Variants in WDR72 observed in about 807,000 individuals in gnomAD.
The protein encoded by WDR72 is WD repeat domain 72.
A neutral mutation model predicts 124.2 loss-of-function variants in WDR72; 120 were observed. The observed-to-expected ratio is 0.97, with a 90% CI of 0.83 to 1.12. WDR72 has a LOEUF of 1.12. WDR72 is among the 50% of genes most tolerant of loss of function. The pLI is 0.00. For synonymous variants in WDR72, 452 were observed against 441.7 expected (o/e 1.02, Z -0.29); for missense variants, 1,387 against 1,278.8 (o/e 1.08, Z -1.29).
At chr15:53,652,562 C>T (rs1011097421) in intron 14 of WDR72, among the ~76,000 whole-genome samples, 1 of 152,058 alleles carries the variant, frequency 6.6e-6, no homozygotes, top group African/African-American at 2.4e-5. Context: ...TTATTACAAA[C>T]CTGTTGATTA....
At chr15:53,706,344 GTGTGTGTATATATATATATATATATA>G (rs1464777377) in intron 9 of WDR72, among the ~76,000 whole-genome samples, 32 of 46,070 alleles carry the variant, frequency 6.9e-4, no homozygotes, top group Non-Finnish European at 9.6e-4. Flanking sequence ...GTGTGTGTGT[GTGTGTGTATATATATATATATATATA>G]TATATATATA....
intron 17 of WDR72, among the ~76,000 whole-genome samples, chr15:53,598,914 T>C (rs1272530500): frequency 1.3e-5 from 2 of 152,092 alleles, no homozygotes; most frequent in Non-Finnish European, 2.9e-5. Flanking sequence ...TATTAATATC[T>C]ACCATATGAG....
intron 17 of WDR72, among the ~76,000 whole-genome samples, chr15:53,603,830 A>T (rs2013152062): frequency 6.6e-6 from 1 of 152,174 alleles, no homozygotes; most frequent in Non-Finnish European, 1.5e-5. Flanking sequence ...AATAAATCAG[A>T]GATGACATAA....
intron 1 of WDR72, among the ~76,000 whole-genome samples, chr15:53,741,721 T>C (rs2018514078): frequency 6.7e-6 from 1 of 148,816 alleles, no homozygotes; most frequent in African/African-American, 2.4e-5. Context: ...TGATGAGAAA[T>C]GTGATCCAGA....
intron 14 of WDR72, among the ~76,000 whole-genome samples, chr15:53,632,222 C>T (rs2014456343): frequency 6.6e-6 from 1 of 152,030 alleles, no homozygotes; most frequent in Non-Finnish European, 1.5e-5. Context: ...TCCTTGCATC[C>T]CTGCTACTCC....
At chr15:53,648,576 A>AT (rs543756659) in intron 14 of WDR72, among the ~76,000 whole-genome samples, 20 of 152,074 alleles carry the variant, frequency 1.3e-4, no homozygotes, top group South Asian at 6.2e-4. Context: ...CAAAGGACAA[A>AT]TTTTTTTTAA....
Position 53,597,251 on chromosome 15 carries a change from A to G in WDR72, c.2976T>C (p.Val992=). 2 of 1,613,788 alleles carry G rather than the reference A, an allele frequency of 1.2e-6. No individual in the cohort carries two copies. Among genetic ancestry groups the G allele is most frequent in the Non-Finnish European group, 1.7e-6 (2 of 1,179,816 alleles). Residue 992 remains valine (V), a synonymous_variant, in exon 18 of 20, where the codon GTT becomes GTC. Coordinates refer to ENST00000360509, the MANE Select transcript of WDR72 (RefSeq NM_182758.4). The part of the protein sequence containing the change: ...SVQVTEAIQA[V]LLAEVQQHMK... ...TGTGTTGTTGAACTTCCGCCAAGAGAACAGCTTGTATTGCTTCAGTTACCT... is the reference window on the plus strand; with the variant it reads ...TGTGTTGTTGAACTTCCGCCAAGAGGACAGCTTGTATTGCTTCAGTTACCT...
intron 14 of WDR72, among the ~76,000 whole-genome samples, chr15:53,632,961 G>A (rs2014489007): frequency 6.6e-6 from 1 of 152,182 alleles, no homozygotes. Flanking sequence ...CTCAGATGAG[G>A]CTTTGGCCTT....
chr15:53,621,865 A>G (rs1004995226), intron 14 of WDR72, among the ~76,000 whole-genome samples: 4 of 152,106 alleles, frequency 2.6e-5, no homozygotes, highest in Non-Finnish European at 5.9e-5. Flanking sequence ...AGTTTTTGCA[A>G]TCTATGCATC....
intron 13 of WDR72, among the ~76,000 whole-genome samples, chr15:53,682,748 C>A (rs1163890749): frequency 2.0e-5 from 3 of 152,166 alleles, no homozygotes; most frequent in African/African-American, 7.2e-5. Context: ...CTGTCTTCTT[C>A]TGAGCCCTGT....
Position 53,672,382 on chromosome 15 carries a change from T to C in WDR72, c.1766-6614A>G, listed in dbSNP as rs532030015. Among the ~76,000 whole-genome samples the C allele has an allele frequency of 4.0e-5, 6 of 151,450 alleles. No individual in the cohort carries two copies. In the South Asian group the frequency reaches 1.0e-3, roughly 26 times the overall value. ...TTCAGGAGACGAGCATAAACCCCTG[T>C]TAGCAGTTTCTGCACAAGAAAGAAG... On this transcript the variant is annotated intron_variant, in intron 13 of 19. Transcript: ENST00000360509.
chr15:53,551,218 G>A (rs920642167), intron 18 of WDR72, among the ~76,000 whole-genome samples: 3 of 152,110 alleles, frequency 2.0e-5, no homozygotes, highest in African/African-American at 7.2e-5. Context: ...GTCAGAATAC[G>A]GGGAGGTGAC....
intron 18 of WDR72, among the ~76,000 whole-genome samples, chr15:53,546,640 C>T (rs1311563584): frequency 3.3e-5 from 5 of 152,012 alleles, no homozygotes; most frequent in South Asian, 4.2e-4. Flanking sequence ...AATGTGCACA[C>T]ATACCCTAAA....
At chr15:53,696,787 T>A (rs888285879) in intron 13 of WDR72, among the ~76,000 whole-genome samples, 17 of 152,194 alleles carry the variant, frequency 1.1e-4, no homozygotes, top group African/African-American at 3.6e-4. Context: ...TTGCACAGAT[T>A]AAAGGCAAAA....
intron 13 of WDR72, among the ~76,000 whole-genome samples, chr15:53,676,399 G>C (rs529011): frequency 6.6e-6 from 1 of 152,152 alleles, no homozygotes; most frequent in African/African-American, 2.4e-5. Context: ...CTAATTTGAT[G>C]AGCGCTTTGA....
At chr15:53,713,145 T>A (rs2017594769) in intron 6 of WDR72, among the ~76,000 whole-genome samples, 1 of 146,504 alleles carries the variant, frequency 6.8e-6, no homozygotes, top group Non-Finnish European at 1.5e-5. Context: ...TATGTACTCC[T>A]GAAAGTTTAA....
rs191732174 is a variant in WDR72, at chr15:53,708,110, T to C, written c.955-2036A>G. ...CCTCCTCCTCCCAAACAGTTCCCTC[T>C]AGTTCTGCTATTCACCTGAAAACTT... On this transcript the variant is annotated intron_variant, in intron 9 of 19. Coordinates refer to ENST00000360509, the MANE Select transcript of WDR72 (RefSeq NM_182758.4). 1.4e-4 allele frequency among the ~76,000 whole-genome samples: 22 copies of C among 152,290 alleles called. No individual in the cohort carries two copies. The East Asian group carries it at 4.3e-3, about 29-fold the overall frequency.
Position 53,690,286 on chromosome 15 carries a change from G to A in WDR72, c.1765+9464C>T, listed in dbSNP as rs1226063611. ...GTATGTTGTTTTTATTTAAATTGAT[G>A]TAACATTGACATAATATACATTAAC... is the stretch of plus-strand genomic sequence containing the variant. On this transcript the variant is annotated intron_variant, in intron 13 of 19. Transcript: ENST00000360509. 2.6e-5 allele frequency among the ~76,000 whole-genome samples: 4 copies of A among 152,072 alleles called. No homozygotes were observed. In the East Asian group the frequency reaches 5.8e-4, roughly 22 times the overall value.
rs190488140 is a variant in WDR72, at chr15:53,698,708, T to C, written c.1765+1042A>G. On this transcript the variant is annotated intron_variant, in intron 13 of 19. Coordinates refer to ENST00000360509, the MANE Select transcript of WDR72 (RefSeq NM_182758.4). ...AACTCCCCTAATTTTGTGTATATTGTGCAAAGAACAAGCAAGACCCTCAAA... is the reference window on the plus strand; with the variant it reads ...AACTCCCCTAATTTTGTGTATATTGCGCAAAGAACAAGCAAGACCCTCAAA... 1.4e-4 allele frequency among the ~76,000 whole-genome samples: 22 copies of C among 152,306 alleles called. No homozygotes were observed. In the East Asian group the frequency reaches 4.3e-3, roughly 29 times the overall value.
Sources: gnomAD v4.1 joint callset for allele counts (sites outside exome capture counted in the v4.1 genomes callset) on GRCh38, gnomAD v4.1.1 for gene constraint, MANE v1.5 for transcripts, NCBI Gene and HGNC (gene_info 2026-07-23, HGNC 2026-07-21) for gene names.